LOC128462377: variants seen among roughly 807,000 people sequenced by gnomAD.
chr16:89,375,399 C>T, the LOC128462377 span, among the ~76,000 whole-genome samples: 1 of 152,042 alleles, frequency 6.6e-6, no homozygotes, highest in African/African-American at 2.4e-5. Context: ...GACTGCAGGG[C>T]ACTATGGTCA....
the LOC128462377 span, among the ~76,000 whole-genome samples, chr16:89,348,260 T>G: frequency 6.6e-6 from 1 of 152,218 alleles, no homozygotes; most frequent in Admixed American, 6.5e-5. Flanking sequence ...AAAAATCTTC[T>G]TAGATGATCT....
At chr16:89,322,121 A>C in the LOC128462377 span, among the ~76,000 whole-genome samples, 2 of 152,222 alleles carry the variant, frequency 1.3e-5, no homozygotes, top group Non-Finnish European at 2.9e-5. Flanking sequence ...GAAAGTTAAA[A>C]GTTCTACACA....
chr16:89,411,273 A>C, the LOC128462377 span, among the ~76,000 whole-genome samples: 1 of 152,312 alleles, frequency 6.6e-6, no homozygotes, highest in South Asian at 2.1e-4. Flanking sequence ...TTCTCTTTCA[A>C]ACTTGCAGCC....
the LOC128462377 span, among the ~76,000 whole-genome samples, chr16:89,344,369 G>A: frequency 6.6e-6 from 1 of 152,178 alleles, no homozygotes; most frequent in Non-Finnish European, 1.5e-5. Context: ...TCCTTGCTAT[G>A]AATGCCTGGC....
At chr16:89,417,150 G>GA in the LOC128462377 span, among the ~76,000 whole-genome samples, 1 of 152,188 alleles carries the variant, frequency 6.6e-6, no homozygotes, top group African/African-American at 2.4e-5. Context: ...TCAGTCATAT[G>GA]AAAGAAAGCA....
the LOC128462377 span, among the ~76,000 whole-genome samples, chr16:89,409,152 A>AT: frequency 6.6e-6 from 1 of 152,172 alleles, no homozygotes; most frequent in East Asian, 1.9e-4. Flanking sequence ...CAGAAAACAG[A>AT]TTTTTTAGGT....
At chr16:89,389,919 G>A in the LOC128462377 span, among the ~76,000 whole-genome samples, 34 of 110,730 alleles carry the variant, frequency 3.1e-4, no homozygotes, top group African/African-American at 1.2e-3. Flanking sequence ...GATCACTGGG[G>A]CGAACACCGA....
the LOC128462377 span, among the ~76,000 whole-genome samples, chr16:89,376,091 A>G: frequency 1.3e-5 from 2 of 152,228 alleles, no homozygotes; most frequent in African/African-American, 4.8e-5. Context: ...TTTTTGTGAA[A>G]TACCTTTTTA....
the LOC128462377 span, among the ~76,000 whole-genome samples, chr16:89,417,487 A>T: frequency 1.3e-5 from 2 of 152,206 alleles, no homozygotes; most frequent in African/African-American, 4.8e-5. Flanking sequence ...CTCAGAGCCA[A>T]GGCCAAAGTC....
chr16:89,338,970 C>G, the LOC128462377 span, among the ~76,000 whole-genome samples: 9 of 152,164 alleles, frequency 5.9e-5, no homozygotes, highest in African/African-American at 2.2e-4. Flanking sequence ...GAACTCCTTT[C>G]CCTCAAAGTC....
At chr16:89,366,491 T>G in the LOC128462377 span, among the ~76,000 whole-genome samples, 2 of 152,324 alleles carry the variant, frequency 1.3e-5, no homozygotes, top group Non-Finnish European at 1.5e-5. Flanking sequence ...CCAGCATCTG[T>G]TATTTTTTAA....
the LOC128462377 span, among the ~76,000 whole-genome samples, chr16:89,398,510 A>AT: frequency 3.9e-5 from 6 of 152,196 alleles, no homozygotes; most frequent in Non-Finnish European, 8.8e-5. Flanking sequence ...TGAGCCCAGG[A>AT]GTGTGAGACC....
At chr16:89,405,118 G>A in the LOC128462377 span, among the ~76,000 whole-genome samples, 6 of 152,080 alleles carry the variant, frequency 3.9e-5, no homozygotes, top group Non-Finnish European at 8.8e-5. Flanking sequence ...CTGGTGTCAC[G>A]GTGGAGGCGA....
chr16:89,377,284 A>G, the LOC128462377 span, among the ~76,000 whole-genome samples: 1 of 152,080 alleles, frequency 6.6e-6, no homozygotes, highest in Non-Finnish European at 1.5e-5. Flanking sequence ...AGAGAGAGAG[A>G]GCATCATGAG....
the LOC128462377 span, among the ~76,000 whole-genome samples, chr16:89,336,258 G>C: frequency 6.6e-6 from 1 of 152,192 alleles, no homozygotes; most frequent in Non-Finnish European, 1.5e-5. Context: ...AGCTGGACCT[G>C]GTGCCTGGCT....
chr16:89,338,424 TAA>T, the LOC128462377 span, among the ~76,000 whole-genome samples: 1,560 of 126,986 alleles, frequency 0.012, 42 homozygotes, highest in East Asian at 0.11. Context: ...TACACTCTGT[TAA>T]AAAAAAAAAA....
the LOC128462377 span, among the ~76,000 whole-genome samples, chr16:89,372,215 G>T: frequency 1.3e-5 from 2 of 152,238 alleles, no homozygotes; most frequent in African/African-American, 4.8e-5. Flanking sequence ...GATGGATCCT[G>T]ACACTCAGAG....
the LOC128462377 span, chr16:89,403,492 G>A: frequency 6.6e-6 from 1 of 152,130 alleles, no homozygotes; most frequent in Non-Finnish European, 1.5e-5. Flanking sequence ...CCCCCAGGAA[G>A]CCCACACATA....
chr16:89,341,873 GGCCC>G, the LOC128462377 span, among the ~76,000 whole-genome samples: 3 of 122,880 alleles, frequency 2.4e-5, no homozygotes, highest in African/African-American at 4.0e-5. Flanking sequence ...CAGCGGCCAC[GGCCC>G]ACGGCAGGAG....
Sources: gnomAD v4.1 joint callset for allele counts (sites outside exome capture counted in the v4.1 genomes callset) on GRCh38, gnomAD v4.1.1 for gene constraint, MANE v1.5 for transcripts.